The following RSF1 variants were observed in gnomAD, a reference collection of about 807,000 sequenced individuals.
RSF1 encodes the protein HBV pX-associated protein 8.
Under a neutral mutation model 145.2 loss-of-function variants are expected in RSF1, and 13 were observed. The observed-to-expected ratio is 0.09, with a 90% CI of 0.06 to 0.14. RSF1 has a LOEUF of 0.14. RSF1 is among the 10% of genes least tolerant of loss of function. RSF1 has a pLI of 1.00. For missense variants in RSF1, 1,517 were observed against 1,718.2 expected (o/e 0.88, Z 2.07); for synonymous variants, 577 against 592.6 (o/e 0.97, Z 0.38).
In RSF1 at chr11:77,665,285, T is replaced by C. The variant is rs1318651910; in HGVS notation, c.*1632A>G. ...AATTTGGAAAGAAAAATTAATGACGTTCCTTGGGCCAGCAGCAGATATGGT... is the reference window on the plus strand; with the variant it reads ...AATTTGGAAAGAAAAATTAATGACGCTCCTTGGGCCAGCAGCAGATATGGT... On this transcript the variant is annotated 3_prime_UTR_variant, in exon 16 of 16. Transcript: ENST00000308488. The C allele has an allele frequency of 6.6e-6, 1 of 152,134 alleles. No homozygotes were observed. Among genetic ancestry groups the C allele is most frequent in the Non-Finnish European group, 1.5e-5 (1 of 68,022 alleles). 9.4% of individuals were successfully genotyped at this position (152,134 alleles called of 1,614,324 possible).
intron 5 of RSF1, among the ~76,000 whole-genome samples, chr11:77,716,010 C>A (rs371568055): frequency 1.3e-5 from 2 of 151,798 alleles, no homozygotes; most frequent in African/African-American, 4.8e-5. Context: ...CCACAAGTAT[C>A]AAAAAATGTT....
intron 1 of RSF1, among the ~76,000 whole-genome samples, chr11:77,784,703 CT>C (rs1431906227): frequency 6.6e-6 from 1 of 152,212 alleles, no homozygotes; most frequent in African/African-American, 2.4e-5. Context: ...TTTTTAAGGC[CT>C]TTTCTGTCAG....
intron 3 of RSF1, 89 bp downstream of exon 3, chr11:77,746,947 G>A (rs954439584): frequency 4.0e-6 from 3 of 747,990 alleles, no homozygotes; most frequent in African/African-American, 3.6e-5. Context: ...TAATAAAAAT[G>A]TCTACTTTTT....
chr11:77,871,988 CTCTGA>C, the RSF1 span, among the ~76,000 whole-genome samples: 3 of 152,106 alleles, frequency 2.0e-5, no homozygotes, highest in Non-Finnish European at 4.4e-5. Context: ...ATTATGATAC[CTCTGA>C]CAAAGAGGCC....
chr11:77,820,793 C>G, upstream of RSF1: 2 of 1,427,670 alleles, frequency 1.4e-6, no homozygotes. Context: ...GGCAACCTTA[C>G]AGACGACAGG....
At chr11:77,777,287 A>C (rs1948352138) in intron 1 of RSF1, among the ~76,000 whole-genome samples, 1 of 152,154 alleles carries the variant, frequency 6.6e-6, no homozygotes, top group Admixed American at 6.5e-5. Flanking sequence ...CATTATTACC[A>C]CATTTTCAAA....
At chr11:77,825,067 G>A (rs1325402696), upstream of RSF1, among the ~76,000 whole-genome samples, 3 of 152,148 alleles carry the variant, frequency 2.0e-5, no homozygotes, top group South Asian at 2.1e-4. Flanking sequence ...TGCATGCTCC[G>A]ACTCCTGGTT....
At chr11:77,797,548 C>T (rs544889185) in intron 1 of RSF1, among the ~76,000 whole-genome samples, 3 of 152,208 alleles carry the variant, frequency 2.0e-5, no homozygotes, top group Admixed American at 6.5e-5. Flanking sequence ...AGACCTAGGA[C>T]CATAAAAATC....
intron 1 of RSF1, among the ~76,000 whole-genome samples, chr11:77,819,523 T>C (rs1163740653): frequency 2.6e-5 from 4 of 152,112 alleles, no homozygotes; most frequent in Admixed American, 6.5e-5. Flanking sequence ...GCGGTGGCCT[T>C]ATGTGGAAGG....
chr11:77,683,218 G>C (rs1480757486), intron 11 of RSF1, among the ~76,000 whole-genome samples: 1 of 152,180 alleles, frequency 6.6e-6, no homozygotes, highest in Non-Finnish European at 1.5e-5. Context: ...TTGAACCCGA[G>C]AGGTGGAGGT....
intron 4 of RSF1, among the ~76,000 whole-genome samples, chr11:77,734,306 T>C (rs975412216): frequency 7.1e-6 from 1 of 140,718 alleles, no homozygotes; most frequent in Admixed American, 6.9e-5. Flanking sequence ...TATTACTTTT[T>C]TTGGGGGGGG....
At chr11:77,712,168 C>T (rs1488233209) in intron 5 of RSF1, among the ~76,000 whole-genome samples, 2 of 152,218 alleles carry the variant, frequency 1.3e-5, no homozygotes, top group Admixed American at 6.5e-5. Context: ...GTGTCTAGGG[C>T]AGGGCCAGGT....
chr11:77,763,668 T>C (rs191266016), intron 2 of RSF1: 33 of 152,180 alleles, frequency 2.2e-4, no homozygotes, highest in African/African-American at 7.5e-4. Context: ...GGGTTAAACA[T>C]AAATCCATGA....
intron 4 of RSF1, among the ~76,000 whole-genome samples, chr11:77,735,241 A>C (rs1181627086): frequency 1.3e-5 from 2 of 152,152 alleles, no homozygotes; most frequent in East Asian, 3.8e-4. Context: ...CTCTATATTT[A>C]TATTATTAAT....
upstream of RSF1, chr11:77,820,746 G>C (rs535755007): frequency 1.2e-5 from 18 of 1,530,216 alleles, no homozygotes; most frequent in South Asian, 1.7e-4. Flanking sequence ...GGAGGCGATG[G>C]GGGGGCGGGG....
At chr11:77,842,436 CT>C in the RSF1 span, 1 of 1,574,778 alleles carries the variant, frequency 6.4e-7, no homozygotes, top group Non-Finnish European at 8.7e-7. Flanking sequence ...CTGTTTCAGC[CT>C]TACTTTATAA....
the RSF1 span, among the ~76,000 whole-genome samples, chr11:77,855,839 C>T: frequency 6.6e-6 from 1 of 151,466 alleles, no homozygotes; most frequent in African/African-American, 2.4e-5. Context: ...GTGGCTCATC[C>T]CTGTAATCCC....
intron 8 of RSF1, among the ~76,000 whole-genome samples, chr11:77,692,964 C>G (rs971160017): frequency 6.6e-6 from 1 of 152,222 alleles, no homozygotes; most frequent in Non-Finnish European, 1.5e-5. Context: ...GTGTGAGCCA[C>G]TGTGTCTGGC....
chr11:77,767,612 A>G (rs1948238890), intron 1 of RSF1, among the ~76,000 whole-genome samples: 1 of 152,150 alleles, frequency 6.6e-6, no homozygotes, highest in African/African-American at 2.4e-5. Flanking sequence ...GGGCTTTATT[A>G]AAGAGTTATT....
Sources: allele counts gnomAD v4.1 joint callset (sites outside exome capture counted in the v4.1 genomes callset), GRCh38; gene constraint gnomAD v4.1.1; transcripts MANE v1.5; gene names NCBI Gene and HGNC (gene_info 2026-07-23, HGNC 2026-07-21).